The following GIMD1 variants were observed in gnomAD, a reference collection of about 807,000 sequenced individuals.
GIMD1 encodes GIMAP family P-loop NTPase domain containing 1.
Under a neutral mutation model 14.9 loss-of-function variants are expected in GIMD1, and 14 were observed. That is an observed-to-expected ratio of 0.94 (90% CI 0.62 to 1.47). The LOEUF is 1.47. Among genes scored for constraint, GIMD1 ranks in the 40% most tolerant of loss-of-function variants. The pLI is 0.00. For missense variants in GIMD1, 272 were observed against 255.3 expected (o/e 1.07, Z -0.44); for synonymous variants, 91 against 90.5 (o/e 1.01, Z -0.03).
At chr4:106,358,880 G>A (rs545170415) in intron 2 of GIMD1, among the ~76,000 whole-genome samples, 51 of 151,204 alleles carry the variant, frequency 3.4e-4, no homozygotes, top group Non-Finnish European at 6.2e-4. Flanking sequence ...ATCTACTAAA[G>A]ATATAAAATT....
rs1770566776 is a variant in GIMD1 at position 106,358,432 on chromosome 4, T to C, written c.405A>G (p.Gly135=). The change falls in exon 3 of 3, where the codon GGA becomes GGG. Residue 135 remains glycine, a synonymous_variant. Transcript: ENST00000638719. ...DPVQMIQELL[G]HAWMNYTAIL... is the part of the protein sequence containing the mutation. ...TGGCTGTGTAATTCATCCAAGCATG[T>C]CCAAGAAGTTCCTGAAAGAGAGAAG... is the stretch of plus-strand genomic sequence containing the variant. 1 of 1,508,400 alleles carries C rather than the reference T, an allele frequency of 6.6e-7. No individual in the cohort carries two copies. Among genetic ancestry groups the C allele is most frequent in the South Asian group, 1.3e-5 (1 of 78,832 alleles). 93.4% of individuals were successfully genotyped at this position (1,508,400 alleles called of 1,614,324 possible).
chr4:106,361,798 C>T lies in GIMD1; in HGVS notation c.394-3355G>A, dbSNP rs1029102790. Among the ~76,000 whole-genome samples, 8 of 151,878 alleles carry T rather than the reference C, an allele frequency of 5.3e-5. No homozygotes were observed. In the East Asian group the frequency reaches 5.8e-4, roughly 11 times the overall value. ...GTGACTTAATGAATAAGGTATTTGCCTCCTTAAATATTTTTGAAATACAGT... is the reference window on the plus strand; with the variant it reads ...GTGACTTAATGAATAAGGTATTTGCTTCCTTAAATATTTTTGAAATACAGT... On this transcript the variant is annotated intron_variant, in intron 2 of 2. Transcript: ENST00000638719.
intron 2 of GIMD1, among the ~76,000 whole-genome samples, 190 bp downstream of exon 2, chr4:106,366,853 G>A (rs1442545440): frequency 6.6e-6 from 1 of 150,794 alleles, no homozygotes; most frequent in Non-Finnish European, 1.5e-5. Context: ...AAAATGACTT[G>A]GGAAAATCAA....
rs1013163888 is a variant in GIMD1, at chr4:106,368,753, G to A, written c.-46C>T. 15 of 398,308 alleles carry A rather than the reference G, an allele frequency of 3.8e-5. No homozygotes were observed. Among genetic ancestry groups the A allele is most frequent in the Middle Eastern group, 6.3e-4 (1 of 1,588 alleles). 24.7% of individuals were successfully genotyped at this position (398,308 alleles called of 1,614,324 possible). A position where few individuals can be genotyped will look rare whatever the true frequency, so the allele number is the denominator to read the frequency against. On this transcript the variant is annotated 5_prime_UTR_variant, in exon 1 of 3. Transcript: ENST00000638719. Reference sequence around the variant, plus strand: ...TGCTTTCTCCACAAAGACGTCTCTCGCCCTGGCACAGTTGTTCTTTCATAT... The same window carrying A: ...TGCTTTCTCCACAAAGACGTCTCTCACCCTGGCACAGTTGTTCTTTCATAT...
At position 106,367,135 on chromosome 4, in the gene GIMD1, C is replaced by T. The variant is rs973511473; in HGVS notation, c.301G>A (p.Gly101Arg). The T allele has an allele frequency of 1.0e-4, 160 of 1,535,296 alleles. No homozygotes were observed. Among genetic ancestry groups the T allele is most frequent in the Middle Eastern group, 3.3e-4 (2 of 6,012 alleles). The change falls in exon 2 of 3, where the codon GGG becomes AGG. Residue 101 changes from glycine to arginine, a missense_variant. By Grantham distance (125) the Gly-to-Arg change is moderately radical (BLOSUM62 -2). Transcript: ENST00000638719. ...EVKEALAHHF[G>R]QGGLHLALLV... is the part of the protein sequence containing the mutation. ...AGTGCAAGGTGGAGACCCCCTTGCC[C>T]GAAGTGATGTGCCAGAGCCTCTTTG...
At chr4:106,366,763 CTG>C (rs1470734614) in intron 2 of GIMD1, among the ~76,000 whole-genome samples, 1 of 151,818 alleles carries the variant, frequency 6.6e-6, no homozygotes, top group Non-Finnish European at 1.5e-5. Flanking sequence ...TGGTTAACCT[CTG>C]AAGTTTAATA....
At chr4:106,364,310 A>G (rs1277172202) in intron 2 of GIMD1, among the ~76,000 whole-genome samples, 2 of 152,148 alleles carry the variant, frequency 1.3e-5, no homozygotes, top group Admixed American at 6.6e-5. Context: ...CTTCTACAGT[A>G]CTAGTCAGTG....
chr4:106,358,820 T>C (rs1263046558), intron 2 of GIMD1, among the ~76,000 whole-genome samples: 1 of 151,806 alleles, frequency 6.6e-6, no homozygotes, highest in African/African-American at 2.4e-5. Flanking sequence ...CGGAGGACCT[T>C]AGTCAAGGGA....
At chr4:106,363,240 T>G (rs756082166) in intron 2 of GIMD1, among the ~76,000 whole-genome samples, 3 of 152,130 alleles carry the variant, frequency 2.0e-5, no homozygotes, top group Non-Finnish European at 4.4e-5. Context: ...GCCACGTGCC[T>G]GTGCCTAAGC....
chr4:106,367,005 G>GTAA, intron 2 of GIMD1, 38 bp downstream of exon 2: 1 of 1,160,176 alleles, frequency 8.6e-7, no homozygotes, highest in African/African-American at 1.6e-5. Flanking sequence ...CCTCCAAGAA[G>GTAA]TAATAATGGC....
At chr4:106,368,268 G>C (rs971956235) in intron 1 of GIMD1, among the ~76,000 whole-genome samples, 1 of 152,074 alleles carries the variant, frequency 6.6e-6, no homozygotes, top group African/African-American at 2.4e-5. Flanking sequence ...CCGATCCTTT[G>C]TACACTGCAT....
rs763856797 is a variant in GIMD1, at chr4:106,358,069, T to G, written c.*114A>C. On this transcript the variant is annotated 3_prime_UTR_variant, in exon 3 of 3. Coordinates refer to ENST00000638719, the MANE Select transcript of GIMD1 (RefSeq NM_001195138.2). ...CCAAAGTGGTTATACCAATGTACACTCTCACCAGCAGCATATCAGAATACT... is the reference window on the plus strand; with the variant it reads ...CCAAAGTGGTTATACCAATGTACACGCTCACCAGCAGCATATCAGAATACT... 1.5e-6 allele frequency: 1 copy of G among 688,344 alleles called. No homozygotes were observed. The highest frequency in any genetic ancestry group is 2.3e-6 in the Non-Finnish European group (1 of 429,348). The allele number at this position is 688,344 out of a possible 1,614,324, so 42.6% of individuals were successfully genotyped here.
intron 2 of GIMD1, among the ~76,000 whole-genome samples, chr4:106,360,619 G>A (rs890443396): frequency 2.6e-5 from 4 of 152,024 alleles, no homozygotes; most frequent in African/African-American, 9.7e-5. Flanking sequence ...TCTTCCGGAT[G>A]TGATCTTATT....
At chr4:106,366,092 A>G (rs1579658469) in intron 2 of GIMD1, among the ~76,000 whole-genome samples, 1 of 152,134 alleles carries the variant, frequency 6.6e-6, no homozygotes, top group East Asian at 1.9e-4. Flanking sequence ...CAAGCAAACA[A>G]ATTGGAATAG....
chr4:106,367,946 A>C (rs1036060130), intron 1 of GIMD1, among the ~76,000 whole-genome samples: 3 of 152,322 alleles, frequency 2.0e-5, no homozygotes, highest in African/African-American at 7.2e-5. Flanking sequence ...GCCTGAATAC[A>C]CAAGTGGTAT....
chr4:106,358,653 A>G (rs1417988551), intron 2 of GIMD1, among the ~76,000 whole-genome samples: 1 of 151,922 alleles, frequency 6.6e-6, no homozygotes, highest in South Asian at 2.1e-4. Context: ...GCAGGATTAA[A>G]CAGAGAATTA....
chr4:106,361,845 G>A (rs1197799877), intron 2 of GIMD1, among the ~76,000 whole-genome samples: 1 of 152,076 alleles, frequency 6.6e-6, no homozygotes, highest in Non-Finnish European at 1.5e-5. Flanking sequence ...AAATGTGCAT[G>A]CTAAATAAAC....
At chr4:106,360,967 TA>T (rs896609972) in intron 2 of GIMD1, among the ~76,000 whole-genome samples, 18 of 152,104 alleles carry the variant, frequency 1.2e-4, no homozygotes, top group African/African-American at 4.1e-4. Context: ...TGCAAGTGGC[TA>T]AAAAAATTAA....
chr4:106,357,707 C>T lies in GIMD1; in HGVS notation c.*476G>A, dbSNP rs901438499. The T allele has an allele frequency of 2.0e-5, 3 of 153,322 alleles. No individual in the cohort carries two copies. Among genetic ancestry groups the T allele is most frequent in the African/African-American group, 4.8e-5 (2 of 41,414 alleles). The allele number at this position is 153,322 out of a possible 1,614,324, so 9.5% of individuals were successfully genotyped here. A position where few individuals can be genotyped will look rare whatever the true frequency, so the allele number is the denominator to read the frequency against. ...TGCACATGGAATCATGGAGTATGTA[C>T]TCTTTTATGTCTGGCTTATTTTTCA... On this transcript the variant is annotated 3_prime_UTR_variant, in exon 3 of 3. Transcript: ENST00000638719.
Sources: allele counts gnomAD v4.1 joint callset (sites outside exome capture counted in the v4.1 genomes callset), GRCh38; gene constraint gnomAD v4.1.1; transcripts MANE v1.5; gene names NCBI Gene and HGNC (gene_info 2026-07-23, HGNC 2026-07-21).